NME7: variants seen among roughly 807,000 people sequenced by gnomAD.
NME7 encodes nucleoside diphosphate kinase 7.
In NME7, 41 loss-of-function variants were observed where a neutral mutation model predicts 49.1. The observed-to-expected ratio is 0.83, with a 90% CI of 0.65 to 1.08. The LOEUF (loss-of-function observed/expected upper bound fraction) is 1.08, where lower values mean the gene tolerates loss of function less well. Among genes scored for constraint, NME7 ranks in the 50% least tolerant of loss-of-function variants. The probability of loss-of-function intolerance (pLI) is 0.00; values close to 1 mark genes in which losing one functional copy is unlikely to be tolerated. For missense variants in NME7, 423 were observed against 463.4 expected, an observed-to-expected ratio of 0.91 and a Z score of 0.80; for synonymous variants, 139 against 150.6, an observed-to-expected ratio of 0.92 and a Z score of 0.56.
chr1:169,331,312 C>T lies in NME7; in HGVS notation c.4-6812G>A, dbSNP rs191870466. Among the ~76,000 whole-genome samples the T allele has an allele frequency of 8.2e-4, 125 of 152,192 alleles. 1 individual carries two copies. The highest frequency in any genetic ancestry group is 2.8e-3 in the African/African-American group (118 of 41,538). ...AAAAACTGAATATAGAAGTAACATA[C>T]CTCAACATAATAAAAGCATATTTGA... On this transcript the variant is annotated intron_variant, in intron 1 of 11. Transcript: ENST00000367811.
chr1:169,325,321 C>T (rs1652020997), intron 1 of NME7, among the ~76,000 whole-genome samples: 1 of 152,084 alleles, frequency 6.6e-6, no homozygotes, highest in African/African-American at 2.4e-5. Context: ...CTGCTCCTCT[C>T]AATCAGTGGC....
Position 169,323,188 on chromosome 1 carries a change from A to G in NME7, c.207T>C (p.Phe69=). 2 of 1,608,438 alleles carry G rather than the reference A, an allele frequency of 1.2e-6. No individual in the cohort carries two copies. Among genetic ancestry groups the G allele is most frequent in the Non-Finnish European group, 1.7e-6 (2 of 1,177,526 alleles). The change falls in exon 3 of 12, where the codon TTT becomes TTC. Residue 69 remains phenylalanine (F), a synonymous_variant. Transcript: ENST00000367811. ...DLFIGNKVNV[F]SRQLVLIDYG... ...AGTCAATTAATACCAGTTGTCGAGA[A>G]AAGACATTCACTTTGTTGCCTATAA... is the stretch of plus-strand genomic sequence containing the variant.
At chr1:169,155,719 T>G (rs1659047273) in intron 11 of NME7, among the ~76,000 whole-genome samples, 1 of 151,872 alleles carries the variant, frequency 6.6e-6, no homozygotes, top group Non-Finnish European at 1.5e-5. Context: ...TTTAAAAACT[T>G]TATCATTGTG....
chr1:169,184,562 A>G (rs1024635017), intron 10 of NME7, among the ~76,000 whole-genome samples: 3 of 152,158 alleles, frequency 2.0e-5, no homozygotes, highest in South Asian at 2.1e-4. Flanking sequence ...GCTACATAAT[A>G]TAGGGCTATT....
At chr1:169,138,298 G>A (rs995104137) in intron 11 of NME7, among the ~76,000 whole-genome samples, 4 of 145,804 alleles carry the variant, frequency 2.7e-5, no homozygotes, top group Admixed American at 6.8e-5. Context: ...GTGACAGGGC[G>A]AGACTCCTCA....
rs767624111 is a variant in NME7, at chr1:169,230,759, C to T, written c.949G>A (p.Ala317Thr). The change falls in exon 10 of 12, where the codon GCT becomes ACT. Residue 317 changes from alanine (A) to threonine (T), a missense_variant. Physicochemically the swap from Ala to Thr is moderately conservative, Grantham distance 58. Transcript: ENST00000367811. ...CVAMEIQQNN[A>T]TKTFREFCGP... ...CAAAATTCTCGAAATGTCTTTGTAG[C>T]ATTATTCTGTTGAATCTCCATTGCT... 1.4e-5 allele frequency: 23 copies of T among 1,606,188 alleles called. No individual in the cohort carries two copies. Among genetic ancestry groups the T allele is most frequent in the Non-Finnish European group, 1.9e-5 (22 of 1,176,666 alleles).
At chr1:169,243,979 T>A (rs980514247) in intron 7 of NME7, among the ~76,000 whole-genome samples, 4 of 152,056 alleles carry the variant, frequency 2.6e-5, no homozygotes, top group African/African-American at 9.7e-5. Context: ...TATATTATAA[T>A]AAAATAAATA....
chr1:169,203,985 T>C (rs1370238852), intron 10 of NME7, among the ~76,000 whole-genome samples: 1 of 152,038 alleles, frequency 6.6e-6, no homozygotes, highest in Non-Finnish European at 1.5e-5. Context: ...GTCTCCCAAG[T>C]AGCTGGGACT....
At chr1:169,362,627 A>T (rs1014120375) in intron 1 of NME7, among the ~76,000 whole-genome samples, 1 of 152,192 alleles carries the variant, frequency 6.6e-6, no homozygotes, top group Non-Finnish European at 1.5e-5. Context: ...AGCCTCACCA[A>T]CAGAGCAAAC....
At chr1:169,178,833 T>TTTTC (rs1659843069) in intron 10 of NME7, among the ~76,000 whole-genome samples, 1 of 149,798 alleles carries the variant, frequency 6.7e-6, no homozygotes, top group Admixed American at 6.6e-5. Flanking sequence ...TTTTTTTTTT[T>TTTTC]TTTTTGAGAC....
intron 11 of NME7, among the ~76,000 whole-genome samples, chr1:169,133,315 A>G (rs1285941580): frequency 6.6e-6 from 1 of 152,240 alleles, no homozygotes; most frequent in African/African-American, 2.4e-5. Context: ...AACATGGGAA[A>G]TGCCCACACT....
chr1:169,234,287 C>T (rs988613297), intron 9 of NME7, among the ~76,000 whole-genome samples: 1 of 152,080 alleles, frequency 6.6e-6, no homozygotes, highest in South Asian at 2.1e-4. Flanking sequence ...AGCATAAGCT[C>T]CATAAATGCA....
rs888336084 is a variant in NME7, at chr1:169,299,273, A to T, written c.441-510T>A. On this transcript the variant is annotated intron_variant, in intron 5 of 11. Coordinates refer to ENST00000367811, the MANE Select transcript of NME7 (RefSeq NM_013330.5). ...TAAACACTGAGCTGGTTTGGTGATA[A>T]AAAAAAAAATCCCCAGCAGGCTTCA... Among the ~76,000 whole-genome samples the T allele has an allele frequency of 2.0e-4, 14 of 68,492 alleles. No homozygotes were observed. In the East Asian group the frequency reaches 9.9e-3, roughly 48 times the overall value. The allele number at this position is 68,492 out of a possible 152,430, so 44.9% of individuals were successfully genotyped here.
At chr1:169,353,353 G>T (rs2101978384) in intron 1 of NME7, among the ~76,000 whole-genome samples, 1 of 152,046 alleles carries the variant, frequency 6.6e-6, no homozygotes, top group East Asian at 1.9e-4. Context: ...CAGAAGAATG[G>T]AACAAGACCC....
intron 1 of NME7, among the ~76,000 whole-genome samples, chr1:169,353,307 C>T (rs574568196): frequency 6.6e-6 from 1 of 152,054 alleles, no homozygotes; most frequent in South Asian, 2.1e-4. Flanking sequence ...ACAGCCTCTT[C>T]AATAAATGGT....
At position 169,271,119 on chromosome 1, in the gene NME7, A is replaced by G. The variant is rs1403893864; in HGVS notation, c.754+16184T>C. Among the ~76,000 whole-genome samples the G allele has an allele frequency of 1.5e-5, 2 of 133,538 alleles. 1 individual carries two copies. The highest frequency in any genetic ancestry group is 3.5e-5 in the Non-Finnish European group (2 of 56,866). The allele number at this position is 133,538 out of a possible 152,430, so 87.6% of individuals were successfully genotyped here. On this transcript the variant is annotated intron_variant, in intron 7 of 11. Transcript: ENST00000367811. ...TCAAATATACCTTATTTTTCCCACA[A>G]TTTATCTCACAGACCAAGAACTCTT...
At chr1:169,169,350 T>C in intron 11 of NME7, 97 bp downstream of exon 11, 1 of 1,029,262 alleles carries the variant, frequency 9.7e-7, no homozygotes, top group East Asian at 2.4e-5. Context: ...GAACTTGAAG[T>C]ATAACAATAA....
chr1:169,156,377 G>T (rs1043973064), intron 11 of NME7, among the ~76,000 whole-genome samples: 16 of 152,010 alleles, frequency 1.1e-4, no homozygotes, highest in African/African-American at 3.9e-4. Context: ...CCATTTCCCA[G>T]GGAATAGGTA....
chr1:169,230,933 C>A, intron 9 of NME7, 114 bp from the exon 10 acceptor site: 1 of 578,302 alleles, frequency 1.7e-6, no homozygotes, highest in South Asian at 4.4e-5. Flanking sequence ...TTCTTCCCCA[C>A]TTATATCCCA....
Sources: gnomAD v4.1 joint callset for allele counts (sites outside exome capture counted in the v4.1 genomes callset) on GRCh38, gnomAD v4.1.1 for gene constraint, MANE v1.5 for transcripts, NCBI Gene and HGNC (gene_info 2026-07-23, HGNC 2026-07-21) for gene names.